The following ENPP2 variants were observed in gnomAD, a reference collection of about 807,000 sequenced individuals.
ENPP2 encodes the protein ectonucleotide pyrophosphatase/phosphodiesterase 2.
ENPP2 carries 51 observed loss-of-function variants against 120.2 expected under a neutral mutation model. The observed-to-expected ratio is 0.42, with a 90% CI of 0.34 to 0.54. The LOEUF is 0.54. Among genes scored for constraint, ENPP2 ranks in the 20% least tolerant of loss-of-function variants. ENPP2 has a pLI of 0.04. For synonymous variants in ENPP2, 365 were observed against 366.4 expected, an observed-to-expected ratio of 1.00 and a Z score of 0.04; for missense variants, 920 against 1,066.5, an observed-to-expected ratio of 0.86 and a Z score of 1.91.
intron 3 of ENPP2, among the ~76,000 whole-genome samples, chr8:119,626,128 C>A (rs62528901): frequency 1.3e-5 from 2 of 152,022 alleles, no homozygotes; most frequent in African/African-American, 4.8e-5. Context: ...GAGGCTGAGG[C>A]GGGAAGATGG....
In ENPP2 at chr8:119,557,635, C is replaced by T; in HGVS notation, c.2478G>A (p.Arg826=). 6.2e-7 allele frequency: 1 copy of T among 1,605,414 alleles called. No individual in the cohort carries two copies. Among genetic ancestry groups the T allele is most frequent in the Non-Finnish European group, 8.5e-7 (1 of 1,177,528 alleles). ...TGGTGAGATGTTCAATGTCACGCAC[C>T]CTAGCTGTGTGCATCTTCATGAGTT... ...VEELMKMHTA[R]VRDIEHLTSL... is the part of the protein sequence containing the mutation. The change falls in exon 25 of 25, where the codon AGG becomes AGA. Residue 826 remains arginine, a synonymous_variant. Coordinates refer to ENST00000075322, the MANE Select transcript of ENPP2 (RefSeq NM_001040092.3).
chr8:119,621,357 T>C, intron 4 of ENPP2, 37 bp downstream of exon 4: 2 of 1,606,518 alleles, frequency 1.2e-6, no homozygotes, highest in Non-Finnish European at 8.5e-7. Context: ...CAGTTTTTAT[T>C]CTTTTAAAGC....
chr8:119,590,420 A>T, intron 13 of ENPP2, 85 bp downstream of exon 13: 1 of 1,117,282 alleles, frequency 9.0e-7, no homozygotes, highest in Non-Finnish European at 1.2e-6. Flanking sequence ...ATTTTTACCC[A>T]AGTATTTCAG....
intron 1 of ENPP2, among the ~76,000 whole-genome samples, chr8:119,672,937 G>A (rs1326485640): frequency 6.6e-6 from 1 of 152,274 alleles, no homozygotes; most frequent in South Asian, 2.1e-4. Flanking sequence ...TGGTAAGGCT[G>A]AGGGTCGCCC....
chr8:119,619,316 A>T lies in ENPP2; in HGVS notation c.419-12T>A, dbSNP rs1285910456. The T allele has an allele frequency of 6.3e-7, 1 of 1,584,252 alleles. No individual in the cohort carries two copies. Among genetic ancestry groups the T allele is most frequent in the African/African-American group, 1.3e-5 (1 of 74,340 alleles). Reference sequence around the variant, plus strand: ...CCAATGCGACTCTCCTATAAGGAAAAATGGGTAAATGTATTGTTGAATCTA... The same window carrying T: ...CCAATGCGACTCTCCTATAAGGAAATATGGGTAAATGTATTGTTGAATCTA... On this transcript the variant is annotated splice_polypyrimidine_tract_variant and intron_variant, in intron 4 of 24. Coordinates refer to ENST00000075322, the MANE Select transcript of ENPP2 (RefSeq NM_001040092.3).
chr8:119,582,672 A>C, intron 17 of ENPP2, 70 bp from the exon 18 acceptor site: 6 of 1,114,836 alleles, frequency 5.4e-6, no homozygotes, highest in Non-Finnish European at 8.1e-6. Context: ...AAGATTTAAA[A>C]CCCTTCACCT....
Position 119,564,874 on chromosome 8 carries a change from A to G in ENPP2, c.2213T>C (p.Ile738Thr), listed in dbSNP as rs200606371. Residue 738 changes from isoleucine (I) to threonine (T), a missense_variant, in exon 23 of 25, where the codon ATC (isoleucine) becomes ACC (threonine). By Grantham distance (89) the Ile-to-Thr change is moderately conservative. Coordinates refer to ENST00000075322, the MANE Select transcript of ENPP2 (RefSeq NM_001040092.3). Reference sequence around the variant, plus strand: ...TAAGCCATCATAGTCATAGTCGAAGATTGGTCCACTTATCACGTTAACTCC... The same window carrying G: ...TAAGCCATCATAGTCATAGTCGAAGGTTGGTCCACTTATCACGTTAACTCC... ...RNGVNVISGPIFDYDYDGLHD... is the reference protein window; with the variant it reads ...RNGVNVISGPTFDYDYDGLHD... 3.1e-6 allele frequency: 5 copies of G among 1,613,476 alleles called. No individual in the cohort carries two copies. The East Asian group carries it at 1.1e-4, about 36-fold the overall frequency.
chr8:119,611,206 GA>G (rs1244870272), intron 8 of ENPP2, among the ~76,000 whole-genome samples: 1 of 152,164 alleles, frequency 6.6e-6, no homozygotes. Flanking sequence ...GAGAAGTTTG[GA>G]AAAAGAAAAA....
intron 1 of ENPP2, among the ~76,000 whole-genome samples, chr8:119,655,291 A>G (rs1817737285): frequency 6.6e-6 from 1 of 152,212 alleles, no homozygotes; most frequent in African/African-American, 2.4e-5. Flanking sequence ...TTGTAAACAG[A>G]GAGTCACCGC....
chr8:119,603,408 CT>C (rs779192240), intron 9 of ENPP2, among the ~76,000 whole-genome samples: 9 of 152,112 alleles, frequency 5.9e-5, no homozygotes, highest in Non-Finnish European at 1.0e-4. Context: ...ATGCTCACCC[CT>C]GAATGCCCTC....
chr8:119,661,974 C>T (rs947634518), intron 1 of ENPP2, among the ~76,000 whole-genome samples: 1 of 151,970 alleles, frequency 6.6e-6, no homozygotes, highest in Non-Finnish European at 1.5e-5. Flanking sequence ...AAAAATCAAA[C>T]TTATACAAGC....
intron 24 of ENPP2, among the ~76,000 whole-genome samples, chr8:119,559,559 T>C (rs1219155543): frequency 6.6e-6 from 1 of 152,244 alleles, no homozygotes; most frequent in Non-Finnish European, 1.5e-5. Context: ...AAATACTAGC[T>C]ATGTGGCATG....
At chr8:119,600,790 A>G (rs772858818) in intron 10 of ENPP2, 40 bp from the exon 11 acceptor site, 2 of 1,110,716 alleles carry the variant, frequency 1.8e-6, no homozygotes, top group Non-Finnish European at 2.7e-6. Flanking sequence ...CTCCTAAACC[A>G]CATGTAACAA....
intron 8 of ENPP2, among the ~76,000 whole-genome samples, chr8:119,613,778 G>A (rs991703431): frequency 6.6e-6 from 1 of 151,876 alleles, no homozygotes; most frequent in South Asian, 2.1e-4. Flanking sequence ...ATATTTATGG[G>A]ATACAGTGTG....
upstream of ENPP2, among the ~76,000 whole-genome samples, chr8:119,640,576 C>A (rs1235446944): frequency 6.6e-6 from 1 of 152,062 alleles, no homozygotes; most frequent in Non-Finnish European, 1.5e-5. Context: ...ATGAGGGTTC[C>A]CTTGGAAAAA....
intron 15 of ENPP2, among the ~76,000 whole-genome samples, 157 bp from the exon 16 acceptor site, chr8:119,584,206 A>C (rs919052251): frequency 1.3e-5 from 2 of 152,214 alleles, no homozygotes; most frequent in African/African-American, 4.8e-5. Context: ...AGAGGATCCT[A>C]TGCATTTCTC....
At chr8:119,597,101 G>C (rs1465448481) in intron 11 of ENPP2, among the ~76,000 whole-genome samples, 2 of 152,120 alleles carry the variant, frequency 1.3e-5, no homozygotes, top group African/African-American at 4.8e-5. Flanking sequence ...CGATTTCACT[G>C]TTTCCAGGGC....
At chr8:119,634,265 A>G (rs777462534) in intron 2 of ENPP2, among the ~76,000 whole-genome samples, 34 of 152,204 alleles carry the variant, frequency 2.2e-4, no homozygotes, top group Admixed American at 1.3e-4. Context: ...CACAAACTAG[A>G]AGGAAAAAAA....
At chr8:119,650,462 A>T (rs1817595551) in intron 1 of ENPP2, among the ~76,000 whole-genome samples, 1 of 152,240 alleles carries the variant, frequency 6.6e-6, no homozygotes, top group Non-Finnish European at 1.5e-5. Context: ...TAAAAGAGTG[A>T]ATTGTATAAT....
Sources: allele counts gnomAD v4.1 joint callset (sites outside exome capture counted in the v4.1 genomes callset), GRCh38; gene constraint gnomAD v4.1.1; transcripts MANE v1.5; gene names NCBI Gene and HGNC (gene_info 2026-07-23, HGNC 2026-07-21).